CHSY1: variants seen among roughly 807,000 people sequenced by gnomAD.
CHSY1 encodes the protein N-acetylgalactosaminyl-proteoglycan 3-beta-glucuronosyltransferase 1.
CHSY1 carries 13 observed loss-of-function variants against 59.8 expected under a neutral mutation model. That is an observed-to-expected ratio of 0.22 (90% CI 0.14 to 0.35). The LOEUF (loss-of-function observed/expected upper bound fraction) is 0.35. CHSY1 is among the 10% of genes least tolerant of loss of function. The pLI, the probability that CHSY1 is intolerant of heterozygous loss-of-function variation, is 1.00. For missense variants in CHSY1, 947 were observed against 1,030.6 expected (o/e 0.92, Z 1.11); for synonymous variants, 459 against 401.2 (o/e 1.14, Z -1.72).
chr15:101,191,189 T>C (rs903052492), intron 2 of CHSY1, among the ~76,000 whole-genome samples: 1 of 152,236 alleles, frequency 6.6e-6, no homozygotes, highest in African/African-American at 2.4e-5. Flanking sequence ...AGTTGGTGAA[T>C]GAATAAACTG....
Position 101,218,237 on chromosome 15 carries a change from G to A in CHSY1, c.816+16845C>T, listed in dbSNP as rs12324350. Among the ~76,000 whole-genome samples, 1,311 of 152,312 alleles carry A rather than the reference G, an allele frequency of 8.6e-3. 20 individuals are homozygous for A. Among genetic ancestry groups the A allele is most frequent in the African/African-American group, 0.03 (1,237 of 41,564 alleles). On this transcript the variant is annotated intron_variant, in intron 2 of 2. Transcript: ENST00000254190. ...GAGATATGACAATAGAAAAAAGACA[G>A]CAGGTCAAAGCTAAGGACATTTAAA...
chr15:101,224,473 T>G (rs1050625200), intron 2 of CHSY1, among the ~76,000 whole-genome samples: 2 of 152,202 alleles, frequency 1.3e-5, no homozygotes, highest in African/African-American at 4.8e-5. Flanking sequence ...ATAACATCAC[T>G]AAATCATAAG....
intron 2 of CHSY1, among the ~76,000 whole-genome samples, chr15:101,232,308 G>T (rs2038900156): frequency 6.6e-6 from 1 of 152,138 alleles, no homozygotes; most frequent in Non-Finnish European, 1.5e-5. Flanking sequence ...AGATTTACAG[G>T]AAGTTTAATA....
chr15:101,199,772 T>A (rs1446943694), intron 2 of CHSY1, among the ~76,000 whole-genome samples: 1 of 152,224 alleles, frequency 6.6e-6, no homozygotes, highest in African/African-American at 2.4e-5. Flanking sequence ...AGATTCTGTG[T>A]GGCTCTGCAG....
intron 2 of CHSY1, among the ~76,000 whole-genome samples, chr15:101,188,609 GAATT>G (rs1567089357): frequency 6.7e-6 from 1 of 149,784 alleles, no homozygotes; most frequent in Non-Finnish European, 1.5e-5. Context: ...AAAAAAAAGA[GAATT>G]ATTATGAATG....
chr15:101,231,653 T>C (rs2038894185), intron 2 of CHSY1, among the ~76,000 whole-genome samples: 1 of 152,240 alleles, frequency 6.6e-6, no homozygotes, highest in Non-Finnish European at 1.5e-5. Flanking sequence ...GTTGCCTGCG[T>C]GCAGTCTGTG....
intron 1 of CHSY1, among the ~76,000 whole-genome samples, chr15:101,250,231 C>A (rs1201924805): frequency 3.7e-4 from 56 of 152,124 alleles, no homozygotes; most frequent in Non-Finnish European, 5.9e-5. Flanking sequence ...TGGATAAGAC[C>A]CAAACTTTAT....
chr15:101,251,350 C>A lies in CHSY1; in HGVS notation c.107G>T (p.Arg36Leu). Reference sequence around the variant, plus strand: ...GCTGGCGCGGCGCCGTGGGCCCGCTCGCTTCAGCTCGGAAGCCCGGGGCAG... The same window carrying A: ...GCTGGCGCGGCGCCGTGGGCCCGCTAGCTTCAGCTCGGAAGCCCGGGGCAG... Reference protein sequence around the residue: ...LVLPRASELKRAGPRRRASPE... With the variant: ...LVLPRASELKLAGPRRRASPE... The change falls in exon 1 of 3, where the codon CGA becomes CTA. Residue 36 changes from arginine to leucine, a missense_variant. Arg to Leu is a moderately radical substitution (Grantham distance 102). This residue lies in a region of CHSY1 where 232 missense variants were observed against 188.5 expected (regional missense o/e 1.23). Transcript: ENST00000254190. 3.5e-6 allele frequency: 4 copies of A among 1,144,416 alleles called. No homozygotes were observed. The highest frequency in any genetic ancestry group is 3.3e-5 in the Admixed American group (1 of 30,738). The allele number at this position is 1,144,416 out of a possible 1,614,324, so 70.9% of individuals were successfully genotyped here. A position where few individuals can be genotyped will look rare whatever the true frequency, so the allele number is the denominator to read the frequency against.
intron 2 of CHSY1, among the ~76,000 whole-genome samples, chr15:101,205,222 A>G (rs1388733628): frequency 8.6e-5 from 13 of 151,970 alleles, no homozygotes; most frequent in Admixed American, 8.5e-4. Context: ...CCCTATTACT[A>G]TTTCTGTCTC....
chr15:101,193,593 A>AT (rs893236356), intron 2 of CHSY1, among the ~76,000 whole-genome samples: 1 of 152,216 alleles, frequency 6.6e-6, no homozygotes, highest in Non-Finnish European at 1.5e-5. Context: ...ACATGTGCGT[A>AT]TTTTAATGGC....
At chr15:101,237,854 AAGC>A (rs1381966893) in intron 1 of CHSY1, among the ~76,000 whole-genome samples, 6 of 152,374 alleles carry the variant, frequency 3.9e-5, no homozygotes, top group South Asian at 2.1e-4. Flanking sequence ...AAAATAAAAA[AAGC>A]AGTTATCAAA....
At chr15:101,248,410 T>TA (rs2039071934) in intron 1 of CHSY1, among the ~76,000 whole-genome samples, 1 of 152,220 alleles carries the variant, frequency 6.6e-6, no homozygotes, top group Non-Finnish European at 1.5e-5. Flanking sequence ...CAAAGGACCC[T>TA]AACTGGCAGG....
rs143705038 is a variant in CHSY1 at position 101,178,814 on chromosome 15, C to T, written c.983G>A (p.Arg328His). The change falls in exon 3 of 3, where the codon CGC becomes CAC. Residue 328 changes from arginine to histidine, a missense_variant. Around this residue, in one of 4 missense-constraint regions of CHSY1, gnomAD observed 602 missense variants for 676.9 expected, o/e 0.89. Coordinates refer to ENST00000254190, the MANE Select transcript of CHSY1 (RefSeq NM_014918.5). ...GCGGTGCAGCTGTATTGTGCGATGG[C>T]GGAGCTCGGATATCTTGCGGCTCAG... Reference protein sequence around the residue: ...YMLSRKISELRHRTIQLHREI... With the variant: ...YMLSRKISELHHRTIQLHREI... The T allele has an allele frequency of 2.1e-5, 34 of 1,614,012 alleles. No individual in the cohort carries two copies. Among genetic ancestry groups the T allele is most frequent in the Middle Eastern group, 1.6e-4 (1 of 6,084 alleles).
chr15:101,225,014 G>A (rs1294789765), intron 2 of CHSY1, among the ~76,000 whole-genome samples: 1 of 152,192 alleles, frequency 6.6e-6, no homozygotes, highest in Non-Finnish European at 1.5e-5. Flanking sequence ...CGTGGCCCAG[G>A]CAACGAGAGT....
At position 101,248,231 on chromosome 15, in the gene CHSY1, T is replaced by C. The variant is rs76041504; in HGVS notation, c.320+2906A>G. On this transcript the variant is annotated intron_variant, in intron 1 of 2. Coordinates refer to ENST00000254190, the MANE Select transcript of CHSY1 (RefSeq NM_014918.5). Reference sequence around the variant, plus strand: ...CAATTTAAGAGCTCAGTGTGGACTTTTGGTCTGGGCTGCAAAGCACAGTAA... The same window carrying C: ...CAATTTAAGAGCTCAGTGTGGACTTCTGGTCTGGGCTGCAAAGCACAGTAA... Among the ~76,000 whole-genome samples the C allele has an allele frequency of 8.5e-3, 1,293 of 152,344 alleles. 18 individuals are homozygous for C. Among genetic ancestry groups the C allele is most frequent in the East Asian group, 0.069 (356 of 5,190 alleles).
At chr15:101,237,222 TAAAAAAAAAAAAAA>T (rs56731913) in intron 1 of CHSY1, among the ~76,000 whole-genome samples, 5 of 57,358 alleles carry the variant, frequency 8.7e-5, no homozygotes, top group Admixed American at 4.2e-4. Flanking sequence ...AGACTCCATC[TAAAAAAAAAAAAAA>T]AAAAAAAAAA....
chr15:101,203,342 A>T (rs912752070), intron 2 of CHSY1, among the ~76,000 whole-genome samples: 4 of 152,204 alleles, frequency 2.6e-5, no homozygotes, highest in African/African-American at 4.8e-5. Flanking sequence ...AGGAAAAGAG[A>T]CACACTAATT....
intron 1 of CHSY1, among the ~76,000 whole-genome samples, chr15:101,237,667 G>A (rs192560419): frequency 1.3e-5 from 2 of 152,308 alleles, no homozygotes; most frequent in East Asian, 1.9e-4. Context: ...AGGAAACCAC[G>A]TAAAGGCTGC....
chr15:101,181,865 T>TA (rs2038284686), intron 2 of CHSY1, among the ~76,000 whole-genome samples: 1 of 152,190 alleles, frequency 6.6e-6, no homozygotes, highest in Non-Finnish European at 1.5e-5. Flanking sequence ...TAACTACTAA[T>TA]AGCCTACTGT....
Sources: gnomAD v4.1 joint callset for allele counts (sites outside exome capture counted in the v4.1 genomes callset) on GRCh38, gnomAD v4.1.1 for gene constraint, gnomAD v4.1.1 regional missense constraint, MANE v1.5 for transcripts, NCBI Gene and HGNC (gene_info 2026-07-23, HGNC 2026-07-21) for gene names.